NOS1: variants seen among roughly 807,000 people sequenced by gnomAD.
The protein encoded by NOS1 is nitric oxide synthase 1.
Under a neutral mutation model 164.5 loss-of-function variants are expected in NOS1, and 51 were observed. The ratio of observed to expected loss-of-function variants is 0.31; its 90% CI spans 0.25 to 0.39. The LOEUF (loss-of-function observed/expected upper bound fraction) is 0.39, where lower values mean the gene tolerates loss of function less well. NOS1 is among the 10% of genes least tolerant of loss of function. The pLI is 1.00. For missense variants in NOS1, 1,362 were observed against 1,885.6 expected (o/e 0.72, Z 5.14); for synonymous variants, 719 against 745.8 (o/e 0.96, Z 0.59).
chr12:117,287,116 G>C (rs570973086), intron 5 of NOS1, among the ~76,000 whole-genome samples: 1 of 152,224 alleles, frequency 6.6e-6, no homozygotes, highest in East Asian at 1.9e-4. Context: ...TCAGGAGGCT[G>C]AGGCAGAGAA....
intron 25 of NOS1, among the ~76,000 whole-genome samples, chr12:117,223,464 G>A (rs1868381316): frequency 6.6e-6 from 1 of 151,992 alleles, no homozygotes; most frequent in Non-Finnish European, 1.5e-5. Context: ...GTTTCACTGT[G>A]TTGGCCAGGC....
rs1232428263 is a variant in NOS1 at position 117,346,400 on chromosome 12, G to C, written c.-420-14911C>G. On this transcript the variant is annotated intron_variant, in intron 1 of 28. Coordinates refer to ENST00000317775, the MANE Select transcript of NOS1 (RefSeq NM_000620.5). ...GCAGGAGAATGGCTTTAACCCGGGA[G>C]GCTGAGGTTGTAGTGAGCCACGATC... is the stretch of plus-strand genomic sequence containing the variant. Among the ~76,000 whole-genome samples, 11 of 152,314 alleles carry C rather than the reference G, an allele frequency of 7.2e-5. No individual in the cohort carries two copies. In the East Asian group the frequency reaches 2.1e-3, roughly 29 times the overall value.
chr12:117,355,937 GA>G (rs1395562747), intron 1 of NOS1, among the ~76,000 whole-genome samples: 1 of 152,080 alleles, frequency 6.6e-6, no homozygotes, highest in Non-Finnish European at 1.5e-5. Context: ...TTTTTTTGTA[GA>G]GATGGAGTCT....
intron 1 of NOS1, among the ~76,000 whole-genome samples, chr12:117,338,345 G>A (rs1024637395): frequency 6.6e-6 from 1 of 151,822 alleles, no homozygotes; most frequent in Non-Finnish European, 1.5e-5. Flanking sequence ...AGGCTACCGT[G>A]AGCCAAGATA....
chr12:117,226,835 T>C, intron 23 of NOS1, 65 bp from the exon 24 acceptor site: 1 of 1,283,306 alleles, frequency 7.8e-7, no homozygotes. Context: ...CCCTCCTCCC[T>C]CCAGTGCAAA....
intron 8 of NOS1, among the ~76,000 whole-genome samples, chr12:117,278,964 GTATT>G (rs1219718318): frequency 2.0e-5 from 3 of 150,052 alleles, no homozygotes; most frequent in Non-Finnish European, 4.4e-5. Context: ...CAATATGAGT[GTATT>G]TAAATAATAT....
At position 117,214,749 on chromosome 12, in the gene NOS1, G is replaced by A. The variant is rs1956576498; in HGVS notation, c.*560C>T. 3 of 985,040 alleles carry A rather than the reference G, an allele frequency of 3.0e-6. No individual in the cohort carries two copies. In the African/African-American group the frequency reaches 5.3e-5, roughly 17 times the overall value. 61.0% of individuals were successfully genotyped at this position (985,040 alleles called of 1,614,324 possible). On this transcript the variant is annotated 3_prime_UTR_variant, in exon 29 of 29. Transcript: ENST00000317775. ...ATATGGGCCAGGGACACGTTTCTTG[G>A]CATTGAGGGTCTTCAATGAAAGCAG... is the stretch of plus-strand genomic sequence containing the variant.
At chr12:117,251,662 C>T (rs142319998) in intron 17 of NOS1, among the ~76,000 whole-genome samples, 2 of 150,214 alleles carry the variant, frequency 1.3e-5, no homozygotes, top group East Asian at 2.0e-4. Context: ...AACTCCAGGG[C>T]TTAAGTGATC....
At chr12:117,284,132 A>G (rs1592987126) in intron 7 of NOS1, among the ~76,000 whole-genome samples, 1 of 151,942 alleles carries the variant, frequency 6.6e-6, no homozygotes, top group South Asian at 2.1e-4. Context: ...ATCTAAGAAA[A>G]CCCATGTTTC....
chr12:117,233,348 C>T (rs555719737), intron 21 of NOS1, among the ~76,000 whole-genome samples: 1 of 151,936 alleles, frequency 6.6e-6, no homozygotes, highest in African/African-American at 2.4e-5. Flanking sequence ...CATGCCCGGC[C>T]TGATGCCTGG....
chr12:117,320,192 T>A (rs544585162), intron 2 of NOS1, among the ~76,000 whole-genome samples: 1 of 152,164 alleles, frequency 6.6e-6, no homozygotes. Flanking sequence ...CCCTTGAACC[T>A]GTATATGTTT....
chr12:117,213,115 G>A lies in NOS1; in HGVS notation c.*2194C>T, dbSNP rs762068243. 1 of 985,344 alleles carries A rather than the reference G, an allele frequency of 1.0e-6. No individual in the cohort carries two copies. Among genetic ancestry groups the A allele is most frequent in the East Asian group, 1.1e-4 (1 of 8,836 alleles). 61.0% of individuals were successfully genotyped at this position (985,344 alleles called of 1,614,324 possible). On this transcript the variant is annotated 3_prime_UTR_variant, in exon 29 of 29. Transcript: ENST00000317775. ...AGGAGGTGCCTGGCACCTTGTAAGC[G>A]CTTCTAAGTATTTATTCCCTGATGG...
intron 3 of NOS1, 138 bp from the exon 4 acceptor site, chr12:117,290,564 C>A (rs185461429): frequency 2.2e-4 from 232 of 1,053,910 alleles, no homozygotes; most frequent in Admixed American, 1.1e-3. Context: ...AGAGTAAGAT[C>A]CAGCCCTTCC....
chr12:117,330,240 G>A lies in NOS1; in HGVS notation c.725+105C>T, dbSNP rs1242646270. The A allele has an allele frequency of 5.5e-6, 8 of 1,456,314 alleles. No individual in the cohort carries two copies. The East Asian group carries it at 1.9e-4, about 34-fold the overall frequency. 90.2% of individuals were successfully genotyped at this position (1,456,314 alleles called of 1,614,324 possible). Reference sequence around the variant, plus strand: ...AAAAACAGGTATCTGAGACAGCCCAGGTTGGCTTCTGGGCTATGAGGCTGA... The same window carrying A: ...AAAAACAGGTATCTGAGACAGCCCAAGTTGGCTTCTGGGCTATGAGGCTGA... On this transcript the variant is annotated intron_variant, in intron 2 of 28. Transcript: ENST00000317775. The surrounding 1 kb of genome is among the most constrained non-coding windows in gnomAD (Gnocchi z 4.6).
Position 117,331,248 on chromosome 12 carries a change from C to T in NOS1, c.-179G>A. 1.4e-6 allele frequency: 1 copy of T among 695,992 alleles called. No homozygotes were observed. Among genetic ancestry groups the T allele is most frequent in the Non-Finnish European group, 2.3e-6 (1 of 429,016 alleles). The allele number at this position is 695,992 out of a possible 1,614,324, so 43.1% of individuals were successfully genotyped here. ...TCAGCTCAGCGTCACCCACTCATGG[C>T]TGGTGGCCCGTCGGTGGCATGATTT... On this transcript the variant is annotated 5_prime_UTR_variant, in exon 2 of 29. Coordinates refer to ENST00000317775, the MANE Select transcript of NOS1 (RefSeq NM_000620.5).
At chr12:117,354,926 C>T (rs1309869299) in intron 1 of NOS1, among the ~76,000 whole-genome samples, 1 of 152,184 alleles carries the variant, frequency 6.6e-6, no homozygotes, top group African/African-American at 2.4e-5. Context: ...TACACGGATA[C>T]TATCTGAAGT....
At chr12:117,278,245 C>T in intron 8 of NOS1, 147 bp from the exon 9 acceptor site, 1 of 879,170 alleles carries the variant, frequency 1.1e-6, no homozygotes, top group Non-Finnish European at 1.6e-6. Flanking sequence ...ACCACATCAC[C>T]TGCTTTATAG....
Position 117,330,508 on chromosome 12 carries a change from C to G in NOS1, c.562G>C (p.Ala188Pro), listed in dbSNP as rs529671468. The G allele has an allele frequency of 6.2e-7, 1 of 1,614,034 alleles. No homozygotes were observed. The highest frequency in any genetic ancestry group is 2.2e-5 in the East Asian group (1 of 44,862). Residue 188 changes from alanine (A) to proline (P), a missense_variant, in exon 2 of 29, where the codon GCG becomes CCG. Ala to Pro is a conservative substitution (Grantham distance 27, BLOSUM62 -1). Transcript: ENST00000317775. This position sits in a 1 kb window ranked among gnomAD's most constrained non-coding sequence, Gnocchi z 4.6. ...LAPRPPGQDP[A>P]KKATRVSLQG... is the part of the protein sequence containing the mutation. ...AGGCTGACTCTGGTTGCTTTCTTCGCGGGGTCCTGGCCTGGGGGCCTGGGG... is the reference window on the plus strand; with the variant it reads ...AGGCTGACTCTGGTTGCTTTCTTCGGGGGGTCCTGGCCTGGGGGCCTGGGG...
rs374276851 is a variant in NOS1, at chr12:117,288,181, G to T, written c.1020C>A (p.Ile340=). The T allele has an allele frequency of 1.4e-5, 23 of 1,613,968 alleles. No homozygotes were observed. The highest frequency in any genetic ancestry group is 1.8e-5 in the Non-Finnish European group (21 of 1,180,000). ...TCCTTGCATGCTGAGAAGGATGCATGATGGAGCCCATGCAGATGTACTCAG... is the reference window on the plus strand; with the variant it reads ...TCCTTGCATGCTGAGAAGGATGCATTATGGAGCCCATGCAGATGTACTCAG... ...GCTEYICMGS[I]MHPSQHARRP... Residue 340 remains isoleucine (I), a synonymous_variant, in exon 5 of 29, where the codon ATC becomes ATA. Coordinates refer to ENST00000317775, the MANE Select transcript of NOS1 (RefSeq NM_000620.5).
Sources: allele counts gnomAD v4.1 joint callset (sites outside exome capture counted in the v4.1 genomes callset), GRCh38; gene constraint gnomAD v4.1.1; non-coding constraint Gnocchi (gnomAD v3.1); transcripts MANE v1.5; gene names NCBI Gene and HGNC (gene_info 2026-07-23, HGNC 2026-07-21).